The following TTC27 variants were observed in gnomAD, a reference collection of about 807,000 sequenced individuals.
TTC27 encodes tetratricopeptide repeat domain 27.
In TTC27, 79 loss-of-function variants were observed where a neutral mutation model predicts 115.9. The observed-to-expected ratio is 0.68, with a 90% CI of 0.57 to 0.82. TTC27 has a LOEUF of 0.82. TTC27 is among the 40% of genes least tolerant of loss of function. TTC27 has a pLI of 0.00. For synonymous variants in TTC27, 401 were observed against 356.0 expected (o/e 1.13, Z -1.42); for missense variants, 1,054 against 993.1 (o/e 1.06, Z -0.82).
Position 32,812,541 on chromosome 2 carries a change from C to T in TTC27, c.2234C>T (p.Thr745Ile), listed in dbSNP as rs751833577. Residue 745 changes from threonine (T) to isoleucine (I), a missense_variant, in exon 18 of 20, where the codon ACC becomes ATC. Physicochemically the swap from Thr to Ile is moderately conservative, Grantham distance 89. Coordinates refer to ENST00000317907, the MANE Select transcript of TTC27 (RefSeq NM_017735.5). The stretch of plus-strand genomic sequence containing the variant: ...CTCTCAAAGGCATACAAGTGTGACA[C>T]CCAGTCCAATTGTTGGGAGAAAGAT... ...QCLSKAYKCDTQSNCWEKDIT... is the reference protein window; with the variant it reads ...QCLSKAYKCDIQSNCWEKDIT... 2.2e-5 allele frequency: 36 copies of T among 1,614,004 alleles called. No individual in the cohort carries two copies. The highest frequency in any genetic ancestry group is 2.9e-5 in the Non-Finnish European group (34 of 1,179,922).
intron 12 of TTC27, among the ~76,000 whole-genome samples, chr2:32,757,456 C>G (rs1669272722): frequency 6.6e-6 from 1 of 152,154 alleles, no homozygotes; most frequent in Non-Finnish European, 1.5e-5. Flanking sequence ...ACCTTAGAGA[C>G]ATACCTCTTT....
intron 12 of TTC27, among the ~76,000 whole-genome samples, chr2:32,754,898 G>T (rs1472948501): frequency 6.7e-6 from 1 of 149,890 alleles, no homozygotes; most frequent in Non-Finnish European, 1.5e-5. Flanking sequence ...CCTCCCTCCC[G>T]GACGGGGTGG....
chr2:32,744,679 C>G (rs1279607305), intron 12 of TTC27, among the ~76,000 whole-genome samples: 1 of 152,126 alleles, frequency 6.6e-6, no homozygotes, highest in Non-Finnish European at 1.5e-5. Context: ...AGAAGAAACT[C>G]TCAAAATGTT....
intron 10 of TTC27, among the ~76,000 whole-genome samples, chr2:32,707,909 A>T (rs1667432542): frequency 6.6e-6 from 1 of 152,130 alleles, no homozygotes; most frequent in African/African-American, 2.4e-5. Flanking sequence ...GGGCAGGGAA[A>T]ATGATGAGCC....
At chr2:32,716,788 G>A (rs1436346908) in intron 10 of TTC27, among the ~76,000 whole-genome samples, 1 of 150,782 alleles carries the variant, frequency 6.6e-6, no homozygotes, top group East Asian at 2.0e-4. Flanking sequence ...TGACCTCTTG[G>A]ACTCAAGTGA....
At chr2:32,685,853 A>G (rs1666611085) in intron 9 of TTC27, among the ~76,000 whole-genome samples, 1 of 152,198 alleles carries the variant, frequency 6.6e-6, no homozygotes, top group Non-Finnish European at 1.5e-5. Flanking sequence ...GAATCCTAGT[A>G]GTGCAATAGA....
intron 13 of TTC27, among the ~76,000 whole-genome samples, chr2:32,767,587 G>A (rs1387705791): frequency 3.3e-5 from 5 of 149,370 alleles, no homozygotes; most frequent in African/African-American, 9.9e-5. Flanking sequence ...TCAGCCTCCC[G>A]AGTAGCTGGG....
At chr2:32,817,616 G>T in intron 19 of TTC27, 59 bp downstream of exon 19, 1 of 1,394,648 alleles carries the variant, frequency 7.2e-7, no homozygotes, top group Non-Finnish European at 1.0e-6. Context: ...ATTAGTATCA[G>T]CTTATTGCTG....
chr2:32,676,514 T>C (rs916654374), intron 8 of TTC27, among the ~76,000 whole-genome samples: 1 of 133,230 alleles, frequency 7.5e-6, no homozygotes, highest in African/African-American at 2.8e-5. Flanking sequence ...TTTTTGGAGA[T>C]GGATTCTTGC....
chr2:32,671,164 C>T (rs986987632), intron 7 of TTC27, among the ~76,000 whole-genome samples: 5 of 151,942 alleles, frequency 3.3e-5, no homozygotes, highest in African/African-American at 9.7e-5. Context: ...ACTGCCTTTC[C>T]ATCTCAGGGT....
At chr2:32,648,763 CA>C (rs750456941) in intron 4 of TTC27, among the ~76,000 whole-genome samples, 19 of 152,102 alleles carry the variant, frequency 1.2e-4, no homozygotes, top group Non-Finnish European at 2.6e-4. Flanking sequence ...GTAATCCCAG[CA>C]CTTTGGGAGG....
chr2:32,800,881 T>C (rs1670906401), intron 16 of TTC27, among the ~76,000 whole-genome samples: 1 of 152,152 alleles, frequency 6.6e-6, no homozygotes, highest in East Asian at 1.9e-4. Flanking sequence ...TAAAAGAAAG[T>C]ATGGCAAATA....
intron 10 of TTC27, among the ~76,000 whole-genome samples, chr2:32,729,008 C>T (rs1668204436): frequency 6.6e-6 from 1 of 152,058 alleles, no homozygotes; most frequent in African/African-American, 2.4e-5. Context: ...CACACACACA[C>T]ACACACACAC....
chr2:32,645,034 T>C (rs1664804129), intron 4 of TTC27, among the ~76,000 whole-genome samples: 1 of 152,066 alleles, frequency 6.6e-6, no homozygotes, highest in African/African-American at 2.4e-5. Context: ...AAATGGCTGA[T>C]TTGATGAATT....
intron 8 of TTC27, among the ~76,000 whole-genome samples, chr2:32,673,760 C>T (rs181332604): frequency 9.9e-4 from 150 of 152,086 alleles, no homozygotes; most frequent in African/African-American, 3.3e-3. Context: ...TTTGGGAAGC[C>T]GAAGCGGATG....
chr2:32,807,635 T>G (rs1042274469), intron 16 of TTC27, among the ~76,000 whole-genome samples: 13 of 151,818 alleles, frequency 8.6e-5, no homozygotes, highest in African/African-American at 3.1e-4. Flanking sequence ...TTATGGGGGG[T>G]TTCTCTTCAT....
At chr2:32,648,189 G>A (rs1327809608) in intron 4 of TTC27, among the ~76,000 whole-genome samples, 1 of 151,982 alleles carries the variant, frequency 6.6e-6, no homozygotes, top group Non-Finnish European at 1.5e-5. Context: ...GTGCAGTGGT[G>A]CAATCTTGGC....
Position 32,820,834 on chromosome 2 carries a change from G to T in TTC27, c.2428G>T (p.Ala810Ser). ...SKAKQLFTDV[A>S]TGEMSRELAD... ...ATTACAGCAACTTTTTACAGATGTG[G>T]CAACTGGAGAAATGTCCAGGGAATT... Residue 810 changes from alanine to serine, a missense_variant, in exon 20 of 20, where the codon GCA becomes TCA. Physicochemically the swap from Ala to Ser is moderately conservative, Grantham distance 99. Coordinates refer to ENST00000317907, the MANE Select transcript of TTC27 (RefSeq NM_017735.5). 6.5e-7 allele frequency: 1 copy of T among 1,535,750 alleles called. No individual in the cohort carries two copies.
At chr2:32,648,218 C>T (rs1664939980) in intron 4 of TTC27, among the ~76,000 whole-genome samples, 1 of 152,112 alleles carries the variant, frequency 6.6e-6, no homozygotes, top group Non-Finnish European at 1.5e-5. Flanking sequence ...ACCTCCGCCT[C>T]CTGGGTTCAA....
Sources: gnomAD v4.1 joint callset for allele counts (sites outside exome capture counted in the v4.1 genomes callset) on GRCh38, gnomAD v4.1.1 for gene constraint, MANE v1.5 for transcripts, NCBI Gene and HGNC (gene_info 2026-07-23, HGNC 2026-07-21) for gene names.